Variants in DNAJC17 observed in about 807,000 individuals in gnomAD.
DNAJC17 encodes the protein DnaJ heat shock protein family (Hsp40) member C17.
A neutral mutation model predicts 48.1 loss-of-function variants in DNAJC17; 35 were observed. The ratio of observed to expected loss-of-function variants is 0.73; its 90% CI spans 0.56 to 0.96. The LOEUF (loss-of-function observed/expected upper bound fraction) is 0.96, where lower values mean the gene tolerates loss of function less well. DNAJC17 is among the 50% of genes least tolerant of loss of function. The pLI is 0.00. For synonymous variants in DNAJC17, 117 were observed against 142.7 expected, an observed-to-expected ratio of 0.82 and a Z score of 1.28; for missense variants, 355 against 377.1, an observed-to-expected ratio of 0.94 and a Z score of 0.48.
rs567599247 is a variant in DNAJC17 at position 40,788,127 on chromosome 15, A to T, written c.79-8130T>A. On this transcript the variant is annotated intron_variant, in intron 1 of 10. Coordinates refer to ENST00000220496, the MANE Select transcript of DNAJC17 (RefSeq NM_018163.3). ...GTTCCAGTCACAGGCACAGTGAGTGATAACAGCTGGGGCAGCCACGTCTCC... is the reference window on the plus strand; with the variant it reads ...GTTCCAGTCACAGGCACAGTGAGTGTTAACAGCTGGGGCAGCCACGTCTCC... Among the ~76,000 whole-genome samples, 133 of 152,282 alleles carry T rather than the reference A, an allele frequency of 8.7e-4. 1 individual carries two copies. Among genetic ancestry groups the T allele is most frequent in the Non-Finnish European group, 1.5e-3 (101 of 68,012 alleles).
At chr15:40,768,541 GCTGAGGATGCAGAAGGGAGCCCTACCCGA>G (rs1889024227) in intron 10 of DNAJC17, among the ~76,000 whole-genome samples, 1 of 152,200 alleles carries the variant, frequency 6.6e-6, no homozygotes, top group Non-Finnish European at 1.5e-5. Context: ...TCTGGCTCTT[GCTGAGGATGCAGAAGGGAGCCCTACCCGA>G]GGCAGCCCGG....
chr15:40,780,746 G>T (rs916061628), intron 1 of DNAJC17, among the ~76,000 whole-genome samples: 2 of 151,948 alleles, frequency 1.3e-5, no homozygotes, highest in African/African-American at 4.8e-5. Context: ...CCGAGGAGGC[G>T]GAGGTTGCAG....
chr15:40,787,697 G>C (rs1170207051), intron 1 of DNAJC17, among the ~76,000 whole-genome samples: 3 of 152,074 alleles, frequency 2.0e-5, no homozygotes, highest in African/African-American at 7.2e-5. Flanking sequence ...AGGGGAGGAG[G>C]GCTGGAAGCT....
chr15:40,779,001 A>G, intron 4 of DNAJC17: 1 of 591,868 alleles, frequency 1.7e-6, no homozygotes, highest in South Asian at 1.8e-5. Flanking sequence ...AATTAAAGGG[A>G]CAATAAGGCA....
At chr15:40,802,736 C>T (rs933794261) in intron 1 of DNAJC17, among the ~76,000 whole-genome samples, 4 of 152,096 alleles carry the variant, frequency 2.6e-5, no homozygotes, top group African/African-American at 4.8e-5. Flanking sequence ...CCACCTTCTC[C>T]GAGCTGCAGT....
At position 40,770,458 on chromosome 15, in the gene DNAJC17, T is replaced by A; in HGVS notation, c.793-2396A>T. The A allele has an allele frequency of 1.3e-6, 2 of 1,519,578 alleles. No individual in the cohort carries two copies. The highest frequency in any genetic ancestry group is 1.8e-6 in the Non-Finnish European group (2 of 1,133,108). 94.1% of individuals were successfully genotyped at this position (1,519,578 alleles called of 1,614,324 possible). ...CAGCAGGGACCACATGCACCCTGGCTGCTCCTGAACACCTGTCTGCTGGCT... is the reference window on the plus strand; with the variant it reads ...CAGCAGGGACCACATGCACCCTGGCAGCTCCTGAACACCTGTCTGCTGGCT... On this transcript the variant is annotated intron_variant, in intron 10 of 10. Coordinates refer to ENST00000220496, the MANE Select transcript of DNAJC17 (RefSeq NM_018163.3). This position sits in a 1 kb window ranked among gnomAD's most constrained non-coding sequence, Gnocchi z 5.0.
intron 1 of DNAJC17, 139 bp downstream of exon 1, chr15:40,807,230 G>C (rs1012502296): frequency 1.3e-6 from 2 of 1,552,234 alleles, no homozygotes; most frequent in African/African-American, 2.7e-5. Flanking sequence ...GCCCGCCTGC[G>C]GAGGGCATAG....
chr15:40,776,880 T>C, intron 4 of DNAJC17: 1 of 472,576 alleles, frequency 2.1e-6, no homozygotes. Context: ...CCAAGCTGGT[T>C]CTCTCTAGTG....
At chr15:40,796,540 A>G (rs922624283) in intron 1 of DNAJC17, among the ~76,000 whole-genome samples, 1 of 152,204 alleles carries the variant, frequency 6.6e-6, no homozygotes, top group Non-Finnish European at 1.5e-5. Context: ...TTTGAAAAAA[A>G]TCACAGGAGG....
chr15:40,797,717 C>CTTTT (rs538219563), intron 1 of DNAJC17, among the ~76,000 whole-genome samples: 4 of 98,986 alleles, frequency 4.0e-5, no homozygotes, highest in Admixed American at 1.2e-4. Flanking sequence ...TGGCCGATCT[C>CTTTT]TTTTTTTTTT....
chr15:40,783,613 C>A (rs1889561569), intron 1 of DNAJC17, among the ~76,000 whole-genome samples: 1 of 152,210 alleles, frequency 6.6e-6, no homozygotes, highest in African/African-American at 2.4e-5. Context: ...CCTCTAATCC[C>A]ATCGCTGTGG....
At chr15:40,783,922 G>T (rs529113573) in intron 1 of DNAJC17, among the ~76,000 whole-genome samples, 11 of 152,154 alleles carry the variant, frequency 7.2e-5, no homozygotes, top group African/African-American at 2.6e-4. Context: ...GGGAGTAGAA[G>T]TGAGTGTGAA....
rs776648870 is a variant in DNAJC17 at position 40,767,694 on chromosome 15, G to A, written c.*246C>T. On this transcript the variant is annotated 3_prime_UTR_variant, in exon 11 of 11. Coordinates refer to ENST00000220496, the MANE Select transcript of DNAJC17 (RefSeq NM_018163.3). ...TGCATAGCTAGCCCAAGCCAATAAA[G>A]GGCTGTGATGAGTGGCTGCGCCTGT... The A allele has an allele frequency of 1.8e-5, 11 of 621,534 alleles. No individual in the cohort carries two copies. Among genetic ancestry groups the A allele is most frequent in the Non-Finnish European group, 2.7e-5 (10 of 373,752 alleles). 38.5% of individuals were successfully genotyped at this position (621,534 alleles called of 1,614,324 possible).
intron 8 of DNAJC17, among the ~76,000 whole-genome samples, chr15:40,774,669 G>T (rs991529478): frequency 6.6e-6 from 1 of 152,270 alleles, no homozygotes; most frequent in Non-Finnish European, 1.5e-5. Flanking sequence ...TGGTGACTTA[G>T]ACTGACACAT....
At chr15:40,774,913 G>GA (rs113645810) in intron 8 of DNAJC17, 118 bp downstream of exon 8, 34,758 of 1,062,058 alleles carry the variant, frequency 0.033, 2,634 homozygotes, top group African/African-American at 0.28. Flanking sequence ...CTATGAGACA[G>GA]AAAAAAAAAG....
At chr15:40,779,098 T>G in intron 4 of DNAJC17, 125 bp downstream of exon 4, 1 of 911,856 alleles carries the variant, frequency 1.1e-6, no homozygotes, top group Non-Finnish European at 1.8e-6. Flanking sequence ...AAGAACAGCG[T>G]TTTGCCCAGA....
Position 40,767,541 on chromosome 15 carries a change from C to T in DNAJC17, c.*399G>A, listed in dbSNP as rs1888978427. The T allele has an allele frequency of 4.5e-6, 3 of 673,750 alleles. No individual in the cohort carries two copies. Among genetic ancestry groups the T allele is most frequent in the South Asian group, 2.3e-5 (1 of 44,096 alleles). The allele number at this position is 673,750 out of a possible 1,614,324, so 41.7% of individuals were successfully genotyped here. A position where few individuals can be genotyped will look rare whatever the true frequency, so the allele number is the denominator to read the frequency against. ...TCAAGCAGTGGGAGAGGGCAGTGCC[C>T]GGTGCCCTGGTGCTCCCAGCTGCCC... On this transcript the variant is annotated 3_prime_UTR_variant, in exon 11 of 11. Coordinates refer to ENST00000220496, the MANE Select transcript of DNAJC17 (RefSeq NM_018163.3).
In DNAJC17 at chr15:40,782,816, T is replaced by G. The variant is rs376062723; in HGVS notation, c.79-2819A>C. Among the ~76,000 whole-genome samples the G allele has an allele frequency of 1.9e-3, 296 of 152,214 alleles. 3 individuals are homozygous for G. The East Asian group carries it at 0.026, about 13-fold the overall frequency. On this transcript the variant is annotated intron_variant, in intron 1 of 10. Coordinates refer to ENST00000220496, the MANE Select transcript of DNAJC17 (RefSeq NM_018163.3). The stretch of plus-strand genomic sequence containing the variant: ...CCTCTAGGGGTGTGCTGCCACCTGC[T>G]GGGCCATAGCCAGGGCACCTGCCAT...
At chr15:40,790,565 C>A (rs1012405845) in intron 1 of DNAJC17, among the ~76,000 whole-genome samples, 1 of 152,124 alleles carries the variant, frequency 6.6e-6, no homozygotes, top group South Asian at 2.1e-4. Flanking sequence ...GGCGACACAG[C>A]GAGACTCTCT....
Sources: allele counts gnomAD v4.1 joint callset (sites outside exome capture counted in the v4.1 genomes callset), GRCh38; gene constraint gnomAD v4.1.1; non-coding constraint Gnocchi (gnomAD v3.1); transcripts MANE v1.5; gene names NCBI Gene and HGNC (gene_info 2026-07-23, HGNC 2026-07-21).